Variants in ARL5A observed in about 807,000 individuals in gnomAD.
ARL5A encodes the protein ADP-ribosylation factor-like protein 5A.
A neutral mutation model predicts 25.9 loss-of-function variants in ARL5A; 18 were observed. The ratio of observed to expected loss-of-function variants is 0.69; its 90% CI spans 0.48 to 1.03. The LOEUF (loss-of-function observed/expected upper bound fraction) is 1.03, where lower values mean the gene tolerates loss of function less well. ARL5A is among the 50% of genes least tolerant of loss of function. ARL5A has a pLI of 0.00. For synonymous variants in ARL5A, 61 were observed against 67.5 expected (o/e 0.90, Z 0.47); for missense variants, 170 against 211.9 (o/e 0.80, Z 1.23).
At chr2:151,826,184 C>T (rs949148002) in intron 1 of ARL5A, among the ~76,000 whole-genome samples, 5 of 152,082 alleles carry the variant, frequency 3.3e-5, no homozygotes, top group South Asian at 4.1e-4. Flanking sequence ...GGTGGATATT[C>T]GGAAAAGTGA....
At position 151,828,111 on chromosome 2, in the gene ARL5A, C is replaced by T. The variant is rs761474447; in HGVS notation, c.46+20G>A. 6.2e-7 allele frequency: 1 copy of T among 1,607,988 alleles called. No homozygotes were observed. Among genetic ancestry groups the T allele is most frequent in the East Asian group, 2.3e-5 (1 of 43,958 alleles). On this transcript the variant is annotated intron_variant, in intron 1 of 5. Coordinates refer to ENST00000295087, the MANE Select transcript of ARL5A (RefSeq NM_012097.4). ...CTGACCCTCTCCCCAACCCGTACGCCCGCGGACCGAGCTCCTCACCCTGGT... is the reference window on the plus strand; with the variant it reads ...CTGACCCTCTCCCCAACCCGTACGCTCGCGGACCGAGCTCCTCACCCTGGT...
Position 151,806,823 on chromosome 2 carries a change from C to T in ARL5A, c.489G>A (p.Glu163=), listed in dbSNP as rs1359733250. ...CATTTAAGAGGAAGATGTCTTACCC[C>T]TCGCCAGTTAGAGCACAGCATGCCT... ...HIQACCALTG[E]GLCQGLEWMM... The change falls in exon 5 of 6, where the codon GAG becomes GAA. Residue 163 remains glutamate (E), a splice_region_variant and synonymous_variant. Coordinates refer to ENST00000295087, the MANE Select transcript of ARL5A (RefSeq NM_012097.4). The T allele has an allele frequency of 3.1e-6, 5 of 1,602,648 alleles. No homozygotes were observed. The Admixed American group carries it at 7.0e-5, about 22-fold the overall frequency.
chr2:151,828,244 G>A lies in ARL5A; in HGVS notation c.-68C>T, dbSNP rs982175493. 1.1e-4 allele frequency: 158 copies of A among 1,456,628 alleles called. No homozygotes were observed. Among genetic ancestry groups the A allele is most frequent in the Non-Finnish European group, 1.5e-4 (153 of 1,050,758 alleles). The allele number at this position is 1,456,628 out of a possible 1,614,324, so 90.2% of individuals were successfully genotyped here. A position where few individuals can be genotyped will look rare whatever the true frequency, so the allele number is the denominator to read the frequency against. ...TGGCTTCCCCCGGCTCAGGCTGAGG[G>A]GGAGGAGAGAGACGCGCTGGAGCCT... On this transcript the variant is annotated 5_prime_UTR_variant, in exon 1 of 6. Transcript: ENST00000295087.
chr2:151,803,537 A>T (rs2099829704), intron 5 of ARL5A, among the ~76,000 whole-genome samples: 1 of 152,160 alleles, frequency 6.6e-6, no homozygotes, highest in South Asian at 2.1e-4. Context: ...TTTTTTAGAC[A>T]GGGTCTCACT....
In ARL5A at chr2:151,807,635, T is replaced by C. The variant is rs1467619968; in HGVS notation, c.340-663A>G. Among the ~76,000 whole-genome samples, 5 of 152,194 alleles carry C rather than the reference T, an allele frequency of 3.3e-5. No homozygotes were observed. The South Asian group carries it at 1.0e-3, about 32-fold the overall frequency. On this transcript the variant is annotated intron_variant, in intron 4 of 5. Coordinates refer to ENST00000295087, the MANE Select transcript of ARL5A (RefSeq NM_012097.4). ...TATGCCTTAAAACCTTAGGGCTTAA[T>C]TCTCAGTTGAAGTTCTATCCTAAAC...
At chr2:151,820,431 G>A (rs1026041561) in intron 1 of ARL5A, among the ~76,000 whole-genome samples, 3 of 152,002 alleles carry the variant, frequency 2.0e-5, no homozygotes, top group East Asian at 1.9e-4. Context: ...GGGCTGAGGC[G>A]GGTGGATCAC....
Position 151,828,277 on chromosome 2 carries a change from T to A in ARL5A, c.-101A>T. On this transcript the variant is annotated 5_prime_UTR_variant, in exon 1 of 6. It introduces an in-frame stop codon into an upstream open reading frame of the 5' UTR. Coordinates refer to ENST00000295087, the MANE Select transcript of ARL5A (RefSeq NM_012097.4). ...AGAGACGCGCTGGAGCCTCCGCCTC[T>A]GCTGCTGCTCCCGCGCTGGTCGCGG... 1 of 1,057,030 alleles carries A rather than the reference T, an allele frequency of 9.5e-7. No individual in the cohort carries two copies. Among genetic ancestry groups the A allele is most frequent in the Non-Finnish European group, 1.4e-6 (1 of 721,926 alleles). The allele number at this position is 1,057,030 out of a possible 1,614,324, so 65.5% of individuals were successfully genotyped here.
At chr2:151,814,399 A>G in intron 2 of ARL5A, 83 bp from the exon 3 acceptor site, 2 of 1,070,340 alleles carry the variant, frequency 1.9e-6, no homozygotes, top group Admixed American at 2.7e-5. Flanking sequence ...ACAAATCAGC[A>G]TGACCTCCTT....
intron 1 of ARL5A, among the ~76,000 whole-genome samples, chr2:151,821,669 A>T (rs1262514755): frequency 6.6e-6 from 1 of 151,946 alleles, no homozygotes; most frequent in African/African-American, 2.4e-5. Context: ...CAGTGGTGTG[A>T]GCTTGGCTCA....
intron 1 of ARL5A, among the ~76,000 whole-genome samples, chr2:151,823,426 G>A (rs190928886): frequency 2.0e-5 from 3 of 151,912 alleles, no homozygotes; most frequent in Admixed American, 1.3e-4. Context: ...TGCACTATGA[G>A]GTTGCTGAAA....
At chr2:151,824,700 CCTT>C (rs66679245) in intron 1 of ARL5A, among the ~76,000 whole-genome samples, 14,322 of 152,134 alleles carry the variant, frequency 0.094, 856 homozygotes, top group African/African-American at 0.17. Flanking sequence ...TTATCTGAGT[CCTT>C]CTTATACAAA....
At chr2:151,804,476 C>T (rs912283103) in intron 5 of ARL5A, among the ~76,000 whole-genome samples, 6 of 151,744 alleles carry the variant, frequency 4.0e-5, no homozygotes, top group Non-Finnish European at 7.4e-5. Flanking sequence ...AGTCTAATAA[C>T]GTAAAAGAAG....
rs146401244 is a variant in ARL5A, at chr2:151,798,941, A to T, written c.*4335T>A. ...GCAACAGCATAAAGATTTAAACTTT[A>T]GTTTTCAGAACAATACACAAGGGCT... On this transcript the variant is annotated 3_prime_UTR_variant, in exon 6 of 6. Coordinates refer to ENST00000295087, the MANE Select transcript of ARL5A (RefSeq NM_012097.4). 1.6e-3 allele frequency: 237 copies of T among 152,310 alleles called. 2 individuals carry two copies. Among genetic ancestry groups the T allele is most frequent in the African/African-American group, 5.3e-3 (222 of 41,580 alleles). The allele number at this position is 152,310 out of a possible 1,614,324, so 9.4% of individuals were successfully genotyped here.
chr2:151,814,709 C>T (rs753810511), intron 2 of ARL5A, among the ~76,000 whole-genome samples: 5 of 151,842 alleles, frequency 3.3e-5, no homozygotes, highest in Admixed American at 6.6e-5. Flanking sequence ...GTGTGCACCA[C>T]TACATCCAGC....
chr2:151,801,411 A>C lies in ARL5A; in HGVS notation c.*1865T>G, dbSNP rs2099829398. The C allele has an allele frequency of 6.6e-6, 1 of 152,202 alleles. No homozygotes were observed. Among genetic ancestry groups the C allele is most frequent in the Non-Finnish European group, 1.5e-5 (1 of 68,000 alleles). 9.4% of individuals were successfully genotyped at this position (152,202 alleles called of 1,614,324 possible). On this transcript the variant is annotated 3_prime_UTR_variant, in exon 6 of 6. Transcript: ENST00000295087. ...AGGTGTGGATTTTCTGGGCTACATCACATAATATTTGTCTGGCGAAACCAT... is the reference window on the plus strand; with the variant it reads ...AGGTGTGGATTTTCTGGGCTACATCCCATAATATTTGTCTGGCGAAACCAT...
At chr2:151,821,552 G>A (rs183562654) in intron 1 of ARL5A, among the ~76,000 whole-genome samples, 1 of 152,264 alleles carries the variant, frequency 6.6e-6, no homozygotes, top group African/African-American at 2.4e-5. Context: ...CAAAGTTCTA[G>A]TTGCTTCCTC....
chr2:151,810,872 A>G (rs1318846072), intron 4 of ARL5A, among the ~76,000 whole-genome samples: 1 of 152,226 alleles, frequency 6.6e-6, no homozygotes, highest in East Asian at 1.9e-4. Flanking sequence ...TTCTTTTTCC[A>G]AAGTCTTCAT....
In ARL5A at chr2:151,828,262, T is replaced by G; in HGVS notation, c.-86A>C. 2 of 1,243,536 alleles carry G rather than the reference T, an allele frequency of 1.6e-6. No individual in the cohort carries two copies. The highest frequency in any genetic ancestry group is 1.3e-5 in the South Asian group (1 of 78,876). The allele number at this position is 1,243,536 out of a possible 1,614,324, so 77.0% of individuals were successfully genotyped here. A position where few individuals can be genotyped will look rare whatever the true frequency, so the allele number is the denominator to read the frequency against. ...GCTGAGGGGGAGGAGAGAGACGCGCTGGAGCCTCCGCCTCTGCTGCTGCTC... is the reference window on the plus strand; with the variant it reads ...GCTGAGGGGGAGGAGAGAGACGCGCGGGAGCCTCCGCCTCTGCTGCTGCTC... On this transcript the variant is annotated 5_prime_UTR_variant, in exon 1 of 6. Transcript: ENST00000295087.
At chr2:151,806,280 C>G (rs896300300) in intron 5 of ARL5A, among the ~76,000 whole-genome samples, 1 of 152,192 alleles carries the variant, frequency 6.6e-6, no homozygotes, top group African/African-American at 2.4e-5. Flanking sequence ...CATTGCTACA[C>G]TCTCTCCAAT....
Sources: gnomAD v4.1 joint callset for allele counts (sites outside exome capture counted in the v4.1 genomes callset) on GRCh38, gnomAD v4.1.1 for gene constraint, MANE v1.5 for transcripts, NCBI Gene and HGNC (gene_info 2026-07-23, HGNC 2026-07-21) for gene names.